The following MAB21L3 variants were observed in gnomAD, a reference collection of about 807,000 sequenced individuals.
MAB21L3 encodes the protein protein mab-21-like 3.
Under a neutral mutation model 37.7 loss-of-function variants are expected in MAB21L3, and 36 were observed. That is an observed-to-expected ratio of 0.96 (90% CI 0.73 to 1.26). MAB21L3 has a LOEUF of 1.26. Among genes scored for constraint, MAB21L3 ranks in the 50% most tolerant of loss-of-function variants. The pLI is 0.00. For synonymous variants in MAB21L3, 186 were observed against 176.8 expected, an observed-to-expected ratio of 1.05 and a Z score of -0.41; for missense variants, 430 against 447.3, an observed-to-expected ratio of 0.96 and a Z score of 0.35.
chr1:116,129,187 T>C (rs1435239612), intron 7 of MAB21L3, among the ~76,000 whole-genome samples: 3 of 152,196 alleles, frequency 2.0e-5, no homozygotes, highest in Non-Finnish European at 4.4e-5. Context: ...GGGAGGAGTA[T>C]GGCTCTGTGA....
chr1:116,123,946 ACT>A (rs1202351402), intron 4 of MAB21L3, 118 bp from the exon 5 acceptor site: 1 of 957,422 alleles, frequency 1.0e-6, no homozygotes, highest in Non-Finnish European at 1.6e-6. Context: ...GTATCTGGTC[ACT>A]CTGCTGAGGG....
intron 3 of MAB21L3, among the ~76,000 whole-genome samples, chr1:116,113,942 C>A (rs2101607041): frequency 6.6e-6 from 1 of 152,242 alleles, no homozygotes; most frequent in South Asian, 2.1e-4. Context: ...GGTTGAGTCT[C>A]CCATTTCTGC....
intron 3 of MAB21L3, among the ~76,000 whole-genome samples, chr1:116,114,899 G>A (rs76266676): frequency 0.03 from 4,514 of 152,258 alleles, 220 homozygotes; most frequent in African/African-American, 0.099. Flanking sequence ...GAAGTGTAGG[G>A]TTTTAATAAG....
rs140672426 is a variant in MAB21L3 at position 116,123,676 on chromosome 1, T to A, written c.190-390T>A. 2.8e-4 allele frequency among the ~76,000 whole-genome samples: 43 copies of A among 152,344 alleles called. No individual in the cohort carries two copies. The East Asian group carries it at 5.8e-3, about 20-fold the overall frequency. On this transcript the variant is annotated intron_variant, in intron 4 of 7. Coordinates refer to ENST00000369500, the MANE Select transcript of MAB21L3 (RefSeq NM_152367.3). ...TGGAAAATGGCAAGAAAGCTCACCT[T>A]ACTGTGTGACTGTGAAGTTGAAATG...
rs777641197 is a variant in MAB21L3, at chr1:116,127,608, G to T, written c.624G>T (p.Gln208His). 6.2e-7 allele frequency: 1 copy of T among 1,614,072 alleles called. No individual in the cohort carries two copies. Among genetic ancestry groups the T allele is most frequent in the South Asian group, 1.1e-5 (1 of 91,070 alleles). Residue 208 changes from glutamine to histidine, a missense_variant, in exon 6 of 8, where the codon CAG becomes CAT. Gln to His is a conservative substitution (Grantham distance 24). Coordinates refer to ENST00000369500, the MANE Select transcript of MAB21L3 (RefSeq NM_152367.3). ...AAGCCCGGTGGCCTCGATGTCTGCAGCGCTGGCCTTCCCAAGAGAGAGTGG... is the reference window on the plus strand; with the variant it reads ...AAGCCCGGTGGCCTCGATGTCTGCATCGCTGGCCTTCCCAAGAGAGAGTGG... Reference protein sequence around the residue: ...SKKARWPRCLQRWPSQERVEC... With the variant: ...SKKARWPRCLHRWPSQERVEC...
intron 5 of MAB21L3, among the ~76,000 whole-genome samples, chr1:116,126,969 T>C (rs1040647429): frequency 6.6e-6 from 1 of 152,234 alleles, no homozygotes; most frequent in South Asian, 2.1e-4. Flanking sequence ...TTAATGTAAG[T>C]GTTCTGAGCA....
intron 3 of MAB21L3, among the ~76,000 whole-genome samples, chr1:116,117,299 A>T (rs1659619570): frequency 6.6e-6 from 1 of 151,652 alleles, no homozygotes; most frequent in East Asian, 1.9e-4. Flanking sequence ...CTGAGAACTT[A>T]ACTATTAGAG....
chr1:116,124,156 A>G lies in MAB21L3; in HGVS notation c.280A>G (p.Thr94Ala). 6.2e-7 allele frequency: 1 copy of G among 1,614,234 alleles called. No individual in the cohort carries two copies. The highest frequency in any genetic ancestry group is 8.5e-7 in the Non-Finnish European group (1 of 1,180,046). The part of the protein sequence containing the change: ...EAREQHWRYY[T>A]LQGTRLPCPL... ...CAGGGAGCAGCACTGGCGGTACTAC[A>G]CACTGCAGGGCACCAGGCTGCCCTG... The change falls in exon 5 of 8, where the codon ACA becomes GCA. Residue 94 changes from threonine to alanine, a missense_variant. Physicochemically the swap from Thr to Ala is moderately conservative, Grantham distance 58. Coordinates refer to ENST00000369500, the MANE Select transcript of MAB21L3 (RefSeq NM_152367.3).
chr1:116,133,198 T>G lies in MAB21L3; in HGVS notation c.922T>G (p.Phe308Val), dbSNP rs750954334. 10 of 1,614,226 alleles carry G rather than the reference T, an allele frequency of 6.2e-6. No individual in the cohort carries two copies. The highest frequency in any genetic ancestry group is 8.5e-6 in the Non-Finnish European group (10 of 1,180,040). The change falls in exon 8 of 8, where the codon TTT becomes GTT. Residue 308 changes from phenylalanine (F) to valine (V), a missense_variant. By Grantham distance (50) the Phe-to-Val change is conservative. Transcript: ENST00000369500. ...FKDWQVFSKA[F>V]LRLVRKLHKC... ...AGACTGGCAGGTCTTCAGCAAAGCATTTCTGCGCCTGGTGAGGAAACTGCA... is the reference window on the plus strand; with the variant it reads ...AGACTGGCAGGTCTTCAGCAAAGCAGTTCTGCGCCTGGTGAGGAAACTGCA...
intron 3 of MAB21L3, among the ~76,000 whole-genome samples, chr1:116,119,417 A>C (rs1659681087): frequency 6.6e-6 from 1 of 152,204 alleles, no homozygotes; most frequent in South Asian, 2.1e-4. Flanking sequence ...GTGAGGTCTC[A>C]GGTGACTGGC....
intron 3 of MAB21L3, among the ~76,000 whole-genome samples, chr1:116,118,509 A>G (rs552756190): frequency 5.3e-5 from 8 of 152,254 alleles, no homozygotes; most frequent in African/African-American, 1.9e-4. Flanking sequence ...TGTTCCCCCA[A>G]TGCAGCAATC....
intron 3 of MAB21L3, among the ~76,000 whole-genome samples, chr1:116,114,082 T>C (rs558371083): frequency 1.3e-5 from 2 of 152,198 alleles, no homozygotes; most frequent in African/African-American, 2.4e-5. Context: ...CAGCACAAAA[T>C]GATTTTGCCC....
chr1:116,114,245 A>G (rs1434021656), intron 3 of MAB21L3, among the ~76,000 whole-genome samples: 1 of 152,204 alleles, frequency 6.6e-6, no homozygotes, highest in Non-Finnish European at 1.5e-5. Context: ...AGGGAAGAAC[A>G]GTGTCTTGCA....
Position 116,127,543 on chromosome 1 carries a change from C to CTGGT in MAB21L3, c.560_563dup (p.Pro189GlyfsTer38), listed in dbSNP as rs1659943237. ...ATCTGCATATCAGGTGGAACTGGAG[C>CTGGT]TGGTCCCCGCAGTGGAGATCCCCAC... is the stretch of plus-strand genomic sequence containing the variant. On this transcript the variant is annotated frameshift_variant, in exon 6 of 8. Transcript: ENST00000369500. LOFTEE classifies it high-confidence loss of function. 6.2e-7 allele frequency: 1 copy of CTGGT among 1,614,082 alleles called. No homozygotes were observed.
intron 3 of MAB21L3, among the ~76,000 whole-genome samples, chr1:116,120,402 TACACACACAC>T (rs750221425): frequency 1.1e-5 from 1 of 91,690 alleles, no homozygotes; most frequent in Non-Finnish European, 2.0e-5. Flanking sequence ...TATTACATTA[TACACACACAC>T]ACACACACAC....
At chr1:116,120,878 A>G in intron 3 of MAB21L3, 54 bp from the exon 4 acceptor site, 2 of 1,602,750 alleles carry the variant, frequency 1.2e-6, no homozygotes, top group Non-Finnish European at 1.7e-6. Flanking sequence ...TTATGCTGGT[A>G]TCTTGGGGCC....
At chr1:116,114,623 C>A (rs1659519148) in intron 3 of MAB21L3, among the ~76,000 whole-genome samples, 1 of 152,190 alleles carries the variant, frequency 6.6e-6, no homozygotes, top group South Asian at 2.1e-4. Context: ...GAGGGTAGAC[C>A]AAGGCCTGAG....
rs1192196443 is a variant in MAB21L3 at position 116,133,412 on chromosome 1, A to G, written c.*47A>G. 4 of 1,555,284 alleles carry G rather than the reference A, an allele frequency of 2.6e-6. No homozygotes were observed. Among genetic ancestry groups the G allele is most frequent in the Non-Finnish European group, 3.5e-6 (4 of 1,128,060 alleles). On this transcript the variant is annotated 3_prime_UTR_variant, in exon 8 of 8. Transcript: ENST00000369500. ...CTCTTGGACATTTTATTCTGGCTTA[A>G]CATTGTTCTTTGGATGGTTCCTCAG...
At chr1:116,120,718 A>C (rs529438768) in intron 3 of MAB21L3, among the ~76,000 whole-genome samples, 1 of 152,272 alleles carries the variant, frequency 6.6e-6, no homozygotes, top group South Asian at 2.1e-4. Context: ...AAATGAATGC[A>C]TCTGTTACAG....
Sources: allele counts gnomAD v4.1 joint callset (sites outside exome capture counted in the v4.1 genomes callset), GRCh38; gene constraint gnomAD v4.1.1; transcripts MANE v1.5; gene names NCBI Gene and HGNC (gene_info 2026-07-23, HGNC 2026-07-21).